The following USP6NL variants were observed in gnomAD, a reference collection of about 807,000 sequenced individuals.
The protein encoded by USP6NL is USP6 N-terminal like.
A neutral mutation model predicts 61.9 loss-of-function variants in USP6NL; 26 were observed. The ratio of observed to expected loss-of-function variants is 0.42; its 90% confidence interval spans 0.31 to 0.58. The LOEUF (loss-of-function observed/expected upper bound fraction) is 0.58, where lower values mean the gene tolerates loss of function less well. Among genes scored for constraint, USP6NL ranks in the 20% least tolerant of loss-of-function variants. USP6NL has a pLI of 0.16. For synonymous variants in USP6NL, 432 were observed against 390.1 expected, an observed-to-expected ratio of 1.11 and a Z score of -1.27; for missense variants, 1,114 against 1,034.3, an observed-to-expected ratio of 1.08 and a Z score of -1.06.
intron 2 of USP6NL, among the ~76,000 whole-genome samples, chr10:11,568,338 T>C (rs1265264038): frequency 6.6e-6 from 1 of 152,170 alleles, no homozygotes; most frequent in East Asian, 1.9e-4. Flanking sequence ...AATCACATTA[T>C]AGATAGTAAA....
chr10:11,549,304 G>A (rs1836400384), intron 2 of USP6NL, among the ~76,000 whole-genome samples: 1 of 152,110 alleles, frequency 6.6e-6, no homozygotes, highest in Non-Finnish European at 1.5e-5. Context: ...GGACATACAT[G>A]CTTTCTTTAT....
intron 7 of USP6NL, among the ~76,000 whole-genome samples, chr10:11,498,764 G>C (rs12766676): frequency 0.24 from 36,979 of 151,854 alleles, 5,040 homozygotes; most frequent in East Asian, 0.59. Context: ...TTGAAATTCA[G>C]CAATCTTTTT....
chr10:11,507,989 T>C (rs770683324), intron 6 of USP6NL, among the ~76,000 whole-genome samples: 28 of 152,284 alleles, frequency 1.8e-4, no homozygotes, highest in Non-Finnish European at 2.9e-4. Flanking sequence ...GTGGAACTAG[T>C]AGAACCCAAG....
At chr10:11,603,507 AAGTC>A (rs1838616805) in intron 1 of USP6NL, among the ~76,000 whole-genome samples, 1 of 152,236 alleles carries the variant, frequency 6.6e-6, no homozygotes, top group Non-Finnish European at 1.5e-5. Flanking sequence ...ATCATTTTAA[AAGTC>A]AGTTAAAAAT....
In USP6NL at chr10:11,474,090, T is replaced by A. The variant is rs1832869900; in HGVS notation, c.1078+7680A>T. ...TGACTGAGAAAGTACACCCCAAGTT[T>A]ACCTGGGAAAAAAGTCTTAATTCCT... On this transcript the variant is annotated intron_variant, in intron 14 of 14. Coordinates refer to ENST00000609104, the MANE Select transcript of USP6NL (RefSeq NM_014688.5). The surrounding 1 kb of genome is among the most constrained non-coding windows in gnomAD (Gnocchi z 4.9). Among the ~76,000 whole-genome samples, 2 of 152,284 alleles carry A rather than the reference T, an allele frequency of 1.3e-5. No individual in the cohort carries two copies. Among genetic ancestry groups the A allele is most frequent in the South Asian group, 4.1e-4 (2 of 4,820 alleles).
intron 4 of USP6NL, among the ~76,000 whole-genome samples, chr10:11,521,385 TTA>T (rs1206997682): frequency 6.9e-6 from 1 of 144,476 alleles, no homozygotes; most frequent in Admixed American, 7.1e-5. Flanking sequence ...ATATTTTTTT[TTA>T]AATTTTTTTT....
At chr10:11,471,162 G>A (rs922277191) in intron 14 of USP6NL, among the ~76,000 whole-genome samples, 7 of 151,940 alleles carry the variant, frequency 4.6e-5, no homozygotes, top group Non-Finnish European at 1.0e-4. Context: ...CAGCCTGGGC[G>A]ACAGAGTGAG....
chr10:11,542,302 T>A (rs1465785594), intron 2 of USP6NL, among the ~76,000 whole-genome samples: 2 of 152,050 alleles, frequency 1.3e-5, no homozygotes, highest in African/African-American at 2.4e-5. Flanking sequence ...AGACCAACTG[T>A]AAATAATGTG....
At chr10:11,514,006 C>T (rs1489866388) in intron 5 of USP6NL, among the ~76,000 whole-genome samples, 1 of 152,168 alleles carries the variant, frequency 6.6e-6, no homozygotes, top group African/African-American at 2.4e-5. Context: ...TTTCCCAGCA[C>T]ATCACATCAG....
At position 11,555,471 on chromosome 10, in the gene USP6NL, A is replaced by AGAGAGAGAGAG. The variant is rs1566178235; in HGVS notation, c.5-27905_5-27904insCTCTCTCTCTC. 2.9e-4 allele frequency among the ~76,000 whole-genome samples: 18 copies of AGAGAGAGAGAG among 62,196 alleles called. No individual in the cohort carries two copies. In the East Asian group the frequency reaches 0.014, roughly 48 times the overall value. 40.8% of individuals were successfully genotyped at this position (62,196 alleles called of 152,430 possible). The stretch of plus-strand genomic sequence containing the variant: ...ATATATAGAGAGAGAGAGAGAGAGA[A>AGAGAGAGAGAG]AGAGAGAGAGAGAGAGAGAGAGAAG... On this transcript the variant is annotated intron_variant, in intron 2 of 14. Coordinates refer to ENST00000609104, the MANE Select transcript of USP6NL (RefSeq NM_014688.5).
In USP6NL at chr10:11,462,296, C is replaced by T; in HGVS notation, c.*145G>A. 2.0e-6 allele frequency: 2 copies of T among 984,422 alleles called. No homozygotes were observed. The highest frequency in any genetic ancestry group is 2.6e-5 in the East Asian group (1 of 37,888). The allele number at this position is 984,422 out of a possible 1,614,324, so 61.0% of individuals were successfully genotyped here. The stretch of plus-strand genomic sequence containing the variant: ...AGCAGCATCTACGTGGGGCTGAAGA[C>T]ATTTCCCTGTATTCTTACTACTAAC... On this transcript the variant is annotated 3_prime_UTR_variant, in exon 15 of 15. Coordinates refer to ENST00000609104, the MANE Select transcript of USP6NL (RefSeq NM_014688.5).
At chr10:11,606,297 A>C (rs12782506) in intron 1 of USP6NL, among the ~76,000 whole-genome samples, 1 of 152,242 alleles carries the variant, frequency 6.6e-6, no homozygotes, top group African/African-American at 2.4e-5. Context: ...ATACTCTTAA[A>C]CAAACAAGTT....
At chr10:11,607,496 C>G (rs1694529685) in intron 1 of USP6NL, among the ~76,000 whole-genome samples, 1 of 152,090 alleles carries the variant, frequency 6.6e-6, no homozygotes, top group African/African-American at 2.4e-5. Context: ...CCAGCCTGGG[C>G]AACATGGAGA....
rs148375187 is a variant in USP6NL, at chr10:11,547,023, T to C, written c.5-19456A>G. On this transcript the variant is annotated intron_variant, in intron 2 of 14. Transcript: ENST00000609104. ...AACAAATCAATACTATTTCACAAAA[T>C]TATTCCATATACCATTAACTTTACT... Among the ~76,000 whole-genome samples, 1,389 of 152,334 alleles carry C rather than the reference T, an allele frequency of 9.1e-3. 14 individuals carry two copies. Among genetic ancestry groups the C allele is most frequent in the African/African-American group, 0.031 (1,302 of 41,566 alleles).
chr10:11,531,051 T>C (rs1246344626), intron 2 of USP6NL, among the ~76,000 whole-genome samples: 2 of 152,220 alleles, frequency 1.3e-5, no homozygotes, highest in Non-Finnish European at 2.9e-5. Flanking sequence ...GCTGTGTTGG[T>C]TGGTACTTAT....
Position 11,463,730 on chromosome 10 carries a change from T to C in USP6NL, c.1198A>G (p.Ser400Gly). 1 of 1,606,660 alleles carries C rather than the reference T, an allele frequency of 6.2e-7. No individual in the cohort carries two copies. Among genetic ancestry groups the C allele is most frequent in the Non-Finnish European group, 8.5e-7 (1 of 1,175,552 alleles). ...GGCGCCCCGCTCTCCCTCCTGCCGC[T>C]GGCCAGCGGGCTCGGCCGGCCCACG... ...RSVGRPSPLASGRRESGAPHR... is the reference protein window; with the variant it reads ...RSVGRPSPLAGGRRESGAPHR... Residue 400 changes from serine (S) to glycine (G), a missense_variant, in exon 15 of 15, where the codon AGC becomes GGC. Physicochemically the swap from Ser to Gly is moderately conservative, Grantham distance 56. Transcript: ENST00000609104. This position sits in a 1 kb window ranked among gnomAD's most constrained non-coding sequence, Gnocchi z 6.3.
intron 2 of USP6NL, among the ~76,000 whole-genome samples, chr10:11,560,052 C>T (rs559544293): frequency 1.3e-5 from 2 of 152,214 alleles, no homozygotes; most frequent in South Asian, 2.1e-4. Context: ...ACTTGTTCTA[C>T]GTTGTCCAAG....
chr10:11,515,470 A>T (rs893319949), intron 5 of USP6NL, among the ~76,000 whole-genome samples: 1 of 152,180 alleles, frequency 6.6e-6, no homozygotes, highest in Non-Finnish European at 1.5e-5. Context: ...GGAACCTCTA[A>T]TTTATAGCCC....
chr10:11,495,136 C>T lies in USP6NL; in HGVS notation c.385-1908G>A. ...GCTAGACCAAGGAGCCCTCTGGTGGCCCTGTCCGGGCATAACAGAAGGTTC... is the reference window on the plus strand; with the variant it reads ...GCTAGACCAAGGAGCCCTCTGGTGGTCCTGTCCGGGCATAACAGAAGGTTC... On this transcript the variant is annotated intron_variant, in intron 7 of 14. Coordinates refer to ENST00000609104, the MANE Select transcript of USP6NL (RefSeq NM_014688.5). This position sits in a 1 kb window ranked among gnomAD's most constrained non-coding sequence, Gnocchi z 4.6. Among the ~76,000 whole-genome samples the T allele has an allele frequency of 6.6e-6, 1 of 152,254 alleles. No individual in the cohort carries two copies. The highest frequency in any genetic ancestry group is 1.9e-4 in the East Asian group (1 of 5,200).
Sources: gnomAD v4.1 joint callset for allele counts (sites outside exome capture counted in the v4.1 genomes callset) on GRCh38, gnomAD v4.1.1 for gene constraint, Gnocchi (gnomAD v3.1) non-coding constraint, MANE v1.5 for transcripts, NCBI Gene and HGNC (gene_info 2026-07-23, HGNC 2026-07-21) for gene names.